NAALADL2: variants seen among roughly 807,000 people sequenced by gnomAD.
NAALADL2 encodes N-acetylated alpha-linked acidic dipeptidase like 2.
Under a neutral mutation model 87.2 loss-of-function variants are expected in NAALADL2, and 76 were observed. That is an observed-to-expected ratio of 0.87 (90% confidence interval 0.72 to 1.05). The LOEUF is 1.05. Among genes scored for constraint, NAALADL2 ranks in the 50% least tolerant of loss-of-function variants. The pLI, the probability that NAALADL2 is intolerant of heterozygous loss-of-function variation, is 0.00. For missense variants in NAALADL2, 1,089 were observed against 945.8 expected (o/e 1.15, Z -1.99); for synonymous variants, 354 against 331.0 (o/e 1.07, Z -0.75).
At chr3:175,509,890 G>A (rs1307242106) in intron 9 of NAALADL2, among the ~76,000 whole-genome samples, 1 of 151,858 alleles carries the variant, frequency 6.6e-6, no homozygotes, top group Non-Finnish European at 1.5e-5. Context: ...TAGAGTACAT[G>A]TGCACAACGT....
At chr3:175,508,826 G>A (rs1730722107) in intron 9 of NAALADL2, among the ~76,000 whole-genome samples, 1 of 151,524 alleles carries the variant, frequency 6.6e-6, no homozygotes, top group South Asian at 2.1e-4. Flanking sequence ...TTGTCTTTAA[G>A]ATCAGAGGAC....
At chr3:175,776,612 G>A (rs1750279294) in intron 13 of NAALADL2, among the ~76,000 whole-genome samples, 1 of 152,020 alleles carries the variant, frequency 6.6e-6, no homozygotes. Flanking sequence ...TTAAGAAACA[G>A]TTATCCCAAA....
intron 3 of NAALADL2, among the ~76,000 whole-genome samples, chr3:175,249,820 A>G (rs1748685214): frequency 6.6e-6 from 1 of 152,072 alleles, no homozygotes; most frequent in Non-Finnish European, 1.5e-5. Context: ...AATTTCCCCT[A>G]CAAGAAGGCA....
At chr3:174,914,237 A>AT (rs1560357538) in intron 1 of NAALADL2, among the ~76,000 whole-genome samples, 1 of 151,518 alleles carries the variant, frequency 6.6e-6, no homozygotes, top group African/African-American at 2.4e-5. Flanking sequence ...TAATTTTTGT[A>AT]TTTTTAGTGG....
Position 175,245,755 on chromosome 3 carries a change from A to T in NAALADL2, c.820-10656A>T, listed in dbSNP as rs533726096. ...GACAGCAAAATTGATTGTATATCTT[A>T]CGCTTAATTCTGAATTCTGCAGGAA... is the stretch of plus-strand genomic sequence containing the variant. On this transcript the variant is annotated intron_variant, in intron 3 of 13. Transcript: ENST00000454872. 3.3e-5 allele frequency among the ~76,000 whole-genome samples: 5 copies of T among 152,316 alleles called. No individual in the cohort carries two copies. In the South Asian group the frequency reaches 1.0e-3, roughly 32 times the overall value.
intron 1 of NAALADL2, among the ~76,000 whole-genome samples, chr3:174,484,869 T>A (rs1315318724): frequency 6.6e-6 from 1 of 150,388 alleles, no homozygotes; most frequent in Admixed American, 6.7e-5. Flanking sequence ...ATTTAATGTG[T>A]CGAGTGTGAT....
intron 3 of NAALADL2, among the ~76,000 whole-genome samples, chr3:174,807,338 A>G (rs1379904236): frequency 6.6e-6 from 1 of 152,130 alleles, no homozygotes; most frequent in Non-Finnish European, 1.5e-5. Flanking sequence ...ATTGGGTAGG[A>G]CTTACATTTG....
Position 175,105,047 on chromosome 3 carries a change from T to A in NAALADL2, c.545+7756T>A, listed in dbSNP as rs1277869292. Among the ~76,000 whole-genome samples, 3 of 152,126 alleles carry A rather than the reference T, an allele frequency of 2.0e-5. No homozygotes were observed. The East Asian group carries it at 5.8e-4, about 29-fold the overall frequency. ...CCACCAATGGGAAGAATAAAGATTG[T>A]TGACAGTGGGGCCTTTGACTGCAAT... On this transcript the variant is annotated intron_variant, in intron 2 of 13. Coordinates refer to ENST00000454872, the MANE Select transcript of NAALADL2 (RefSeq NM_207015.3).
At chr3:174,995,605 C>T (rs142886430) in intron 1 of NAALADL2, among the ~76,000 whole-genome samples, 203 of 152,174 alleles carry the variant, frequency 1.3e-3, no homozygotes, top group Non-Finnish European at 2.7e-3. Context: ...CAGAATACAA[C>T]AGGTAATGAG....
chr3:174,729,879 A>G (rs1460261089), intron 2 of NAALADL2, among the ~76,000 whole-genome samples: 1 of 151,438 alleles, frequency 6.6e-6, no homozygotes, highest in Admixed American at 6.6e-5. Flanking sequence ...CAAAAGATGA[A>G]TAAAAGAAAA....
chr3:175,377,430 T>G (rs918419317), intron 5 of NAALADL2, among the ~76,000 whole-genome samples: 1 of 152,246 alleles, frequency 6.6e-6, no homozygotes. Context: ...GGATTGTTAC[T>G]TGTTTTTGCT....
intron 1 of NAALADL2, among the ~76,000 whole-genome samples, chr3:174,932,574 G>T (rs575109911): frequency 2.7e-4 from 41 of 152,224 alleles, no homozygotes; most frequent in African/African-American, 9.9e-4. Context: ...ATTGATGGGT[G>T]AATTGCTGGG....
intron 13 of NAALADL2, among the ~76,000 whole-genome samples, chr3:175,793,568 G>T (rs1416608723): frequency 6.6e-6 from 1 of 151,912 alleles, no homozygotes; most frequent in Non-Finnish European, 1.5e-5. Flanking sequence ...GCCGACCTCG[G>T]CCTCCTGAAG....
chr3:174,442,167 C>T (rs1249820165), intron 1 of NAALADL2, among the ~76,000 whole-genome samples: 1 of 152,110 alleles, frequency 6.6e-6, no homozygotes, highest in African/African-American at 2.4e-5. Context: ...GAAGAGATTC[C>T]GTTCCTGTCC....
chr3:174,622,447 A>G (rs368021831), intron 2 of NAALADL2, among the ~76,000 whole-genome samples: 2 of 152,180 alleles, frequency 1.3e-5, no homozygotes, highest in African/African-American at 4.8e-5. Context: ...ATCATTTAGC[A>G]TTTACAGTTG....
At chr3:174,722,792 G>A (rs1292758654) in intron 2 of NAALADL2, among the ~76,000 whole-genome samples, 1 of 152,184 alleles carries the variant, frequency 6.6e-6, no homozygotes, top group African/African-American at 2.4e-5. Context: ...ACAAAATGTA[G>A]TTAAAATTGT....
chr3:175,570,401 C>G (rs1300041870), intron 9 of NAALADL2, among the ~76,000 whole-genome samples: 1 of 152,120 alleles, frequency 6.6e-6, no homozygotes, highest in Non-Finnish European at 1.5e-5. Context: ...CATCCCATGG[C>G]CCAGCCAAGT....
chr3:174,618,988 A>C (rs1187478870), intron 2 of NAALADL2, among the ~76,000 whole-genome samples: 1 of 151,938 alleles, frequency 6.6e-6, no homozygotes, highest in African/African-American at 2.4e-5. Context: ...AAGTTTACAA[A>C]TAAATAATGT....
chr3:175,521,211 T>C (rs1732611194), intron 9 of NAALADL2, among the ~76,000 whole-genome samples: 1 of 151,922 alleles, frequency 6.6e-6, no homozygotes, highest in Non-Finnish European at 1.5e-5. Flanking sequence ...TTTTTATAAT[T>C]TTCTGAATAT....
Sources: allele counts gnomAD v4.1 joint callset (sites outside exome capture counted in the v4.1 genomes callset), GRCh38; gene constraint gnomAD v4.1.1; transcripts MANE v1.5; gene names NCBI Gene and HGNC (gene_info 2026-07-23, HGNC 2026-07-21).